Variants in RCC1L observed in about 807,000 individuals in gnomAD.
The protein encoded by RCC1L is RCC1-like G exchanging factor-like protein.
A neutral mutation model predicts 58.6 loss-of-function variants in RCC1L; 46 were observed. The observed-to-expected ratio is 0.79, with a 90% CI of 0.62 to 1.00. RCC1L has a LOEUF of 1.00. Among genes scored for constraint, RCC1L ranks in the 50% least tolerant of loss-of-function variants. The pLI, the probability that RCC1L is intolerant of heterozygous loss-of-function variation, is 0.00. For missense variants in RCC1L, 636 were observed against 623.6 expected, an observed-to-expected ratio of 1.02 and a Z score of -0.21; for synonymous variants, 281 against 262.9, an observed-to-expected ratio of 1.07 and a Z score of -0.67.
intron 1 of RCC1L, among the ~76,000 whole-genome samples, chr7:75,073,111 G>C (rs1806826543): frequency 6.6e-6 from 1 of 152,174 alleles, no homozygotes; most frequent in Admixed American, 6.5e-5. Flanking sequence ...AGCAGCGGTG[G>C]GGCCTCGGGC....
chr7:75,055,111 A>G (rs782596365), intron 9 of RCC1L, among the ~76,000 whole-genome samples: 6,815 of 152,370 alleles, frequency 0.045, 222 homozygotes, highest in South Asian at 0.064. Flanking sequence ...GGATGTTTAA[A>G]AAGAAAACAA....
Position 75,042,619 on chromosome 7 carries a change from C to T in RCC1L, c.*413G>A. 9.7e-7 allele frequency: 1 copy of T among 1,027,054 alleles called. No individual in the cohort carries two copies. 63.6% of individuals were successfully genotyped at this position (1,027,054 alleles called of 1,614,324 possible). On this transcript the variant is annotated 3_prime_UTR_variant, in exon 11 of 11. Transcript: ENST00000610322. ...CTAAGCTGGGGCTCGGTCCGAGGCA[C>T]ACGCATGGCCTTGGCCAGACACAAA... is the stretch of plus-strand genomic sequence containing the variant.
intron 10 of RCC1L, among the ~76,000 whole-genome samples, chr7:75,046,074 C>T (rs995614563): frequency 1.1e-4 from 17 of 152,348 alleles, no homozygotes; most frequent in Non-Finnish European, 1.9e-4. Context: ...AGGCGCCGAC[C>T]CCGGAGCTTT....
chr7:75,050,817 C>T (rs1479960120), intron 10 of RCC1L, among the ~76,000 whole-genome samples: 7 of 151,996 alleles, frequency 4.6e-5, no homozygotes, highest in South Asian at 2.1e-4. Context: ...GTCGCCCGGG[C>T]GTGATGGGTC....
intron 10 of RCC1L, among the ~76,000 whole-genome samples, chr7:75,030,229 C>G (rs929696164): frequency 0.94 from 143,215 of 152,332 alleles, 67,326 homozygotes; most frequent in Middle Eastern, 0.98. Flanking sequence ...GTGCATGTAC[C>G]TGTGAGCGTG....
chr7:75,057,750 G>A, intron 7 of RCC1L, 134 bp from the exon 8 acceptor site: 1 of 815,628 alleles, frequency 1.2e-6, no homozygotes, highest in Non-Finnish European at 2.1e-6. Flanking sequence ...AACATCACAT[G>A]CCAAGCATCA....
In RCC1L at chr7:75,057,611, A is replaced by G. The variant is rs1453274018; in HGVS notation, c.975T>C (p.Asn325=). 1.1e-5 allele frequency: 17 copies of G among 1,613,818 alleles called. No homozygotes were observed. The highest frequency in any genetic ancestry group is 3.3e-5 in the South Asian group (3 of 91,072). The change falls in exon 8 of 11, where the codon AAT becomes AAC. Residue 325 remains asparagine (N), a synonymous_variant. Transcript: ENST00000610322. ...CTGAGAAGTGTAAGCAGCGGGGCAC[A>G]TTCACCTGAACCAAAGAAAGGAGCC... ...LASVTDSTQV[N]VPRCLHFSGV... is the part of the protein sequence containing the mutation.
downstream of RCC1L, among the ~76,000 whole-genome samples, chr7:75,037,325 C>T (rs929506078): frequency 0.015 from 2,280 of 152,188 alleles, 28 homozygotes; most frequent in Non-Finnish European, 0.024. Flanking sequence ...GCTGGGATTA[C>T]AGGCATGTGC....
In RCC1L at chr7:75,064,596, T is replaced by A. The variant is rs1554444835; in HGVS notation, c.636A>T (p.Glu212Asp). The change falls in exon 4 of 11, where the codon GAA becomes GAT. Residue 212 changes from glutamate (E) to aspartate (D), a missense_variant. Transcript: ENST00000610322. ...TAGGAACTCACCTGTAAATTTCATT[T>A]TCGACCACCTTTCTTCCACATTGCC... Reference protein sequence around the residue: ...SYGQCGRKVVENEIYSESHRV... With the variant: ...SYGQCGRKVVDNEIYSESHRV... The A allele has an allele frequency of 6.2e-7, 1 of 1,613,882 alleles. No individual in the cohort carries two copies. The highest frequency in any genetic ancestry group is 2.2e-5 in the East Asian group (1 of 44,886).
In RCC1L at chr7:75,042,826, G is replaced by A. The variant is rs1440695601; in HGVS notation, c.*206C>T. 6.9e-6 allele frequency: 10 copies of A among 1,442,094 alleles called. No individual in the cohort carries two copies. The highest frequency in any genetic ancestry group is 2.6e-4 in the Middle Eastern group (1 of 3,866). 89.3% of individuals were successfully genotyped at this position (1,442,094 alleles called of 1,614,324 possible). ...AAGGCTGCCATCCAAGCTGAGTTCC[G>A]CAGGCCTCACCTGCAGCTGGAGAGG... On this transcript the variant is annotated 3_prime_UTR_variant, in exon 11 of 11. Coordinates refer to ENST00000610322, the MANE Select transcript of RCC1L (RefSeq NM_030798.5).
rs782602528 is a variant in RCC1L at position 75,066,621 on chromosome 7, T to C, written c.583+43A>G. The C allele has an allele frequency of 2.3e-5, 37 of 1,605,308 alleles. No individual in the cohort carries two copies. In the African/African-American group the frequency reaches 3.2e-4, roughly 14 times the overall value. On this transcript the variant is annotated intron_variant, in intron 3 of 10. Coordinates refer to ENST00000610322, the MANE Select transcript of RCC1L (RefSeq NM_030798.5). ...TTTGAGGCTCCAGTTCACAGTGAAA[T>C]GGTCCCTGCACTCTTCCATCACCCT...
intron 6 of RCC1L, 70 bp from the exon 7 acceptor site, chr7:75,058,839 A>C: frequency 1.3e-6 from 2 of 1,589,524 alleles, no homozygotes; most frequent in Non-Finnish European, 1.7e-6. Flanking sequence ...GACTTACTAT[A>C]TGCCAAGTGC....
chr7:75,043,657 A>G (rs1002946200), intron 10 of RCC1L, among the ~76,000 whole-genome samples: 69 of 152,266 alleles, frequency 4.5e-4, no homozygotes, highest in African/African-American at 1.5e-3. Context: ...TGAGGTCAGA[A>G]GTTTGAGACC....
At chr7:75,043,913 C>T (rs2131977532) in intron 10 of RCC1L, among the ~76,000 whole-genome samples, 1 of 152,308 alleles carries the variant, frequency 6.6e-6, no homozygotes, top group South Asian at 2.1e-4. Flanking sequence ...CCCGTCACCC[C>T]CAGCTCCAGT....
rs113683703 is a variant in RCC1L at position 75,072,736 on chromosome 7, T to C, written c.324+678A>G. ...GGCTCACGCCTGTAATCCCAGCACT[T>C]TGGGAGGCCAAGGCGGGCGGATCGC... On this transcript the variant is annotated intron_variant, in intron 1 of 10. Coordinates refer to ENST00000610322, the MANE Select transcript of RCC1L (RefSeq NM_030798.5). Among the ~76,000 whole-genome samples, 3 of 152,240 alleles carry C rather than the reference T, an allele frequency of 2.0e-5. No individual in the cohort carries two copies. The East Asian group carries it at 5.8e-4, about 29-fold the overall frequency.
intron 2 of RCC1L, among the ~76,000 whole-genome samples, chr7:75,069,900 G>A (rs6942946): frequency 0.034 from 5,198 of 152,202 alleles, 256 homozygotes; most frequent in African/African-American, 0.1. Context: ...ACCACGCCCA[G>A]CCAGGCTAAT....
downstream of RCC1L, among the ~76,000 whole-genome samples, chr7:75,038,282 C>T (rs911790589): frequency 3.3e-5 from 5 of 152,132 alleles, no homozygotes; most frequent in African/African-American, 7.2e-5. Flanking sequence ...GACAGAGTCT[C>T]GCTCTGTCAC....
At chr7:75,028,920 T>TC (rs1231902325) in intron 10 of RCC1L, among the ~76,000 whole-genome samples, 2 of 152,136 alleles carry the variant, frequency 1.3e-5, no homozygotes, top group Non-Finnish European at 2.9e-5. Context: ...TCACCTCCTC[T>TC]CACCTCCAGG....
At chr7:75,067,119 T>C (rs1806523061) in intron 2 of RCC1L, among the ~76,000 whole-genome samples, 1 of 146,682 alleles carries the variant, frequency 6.8e-6, no homozygotes, top group South Asian at 2.2e-4. Flanking sequence ...CTGGCCAAAA[T>C]GGTGAACCCC....
Sources: gnomAD v4.1 joint callset for allele counts (sites outside exome capture counted in the v4.1 genomes callset) on GRCh38, gnomAD v4.1.1 for gene constraint, MANE v1.5 for transcripts, NCBI Gene and HGNC (gene_info 2026-07-23, HGNC 2026-07-21) for gene names.